Variants in ACSS3 observed in about 807,000 individuals in gnomAD.
ACSS3 encodes the protein acyl-CoA synthetase short-chain family member 3, mitochondrial.
ACSS3 carries 64 observed loss-of-function variants against 84.2 expected under a neutral mutation model. The ratio of observed to expected loss-of-function variants is 0.76; its 90% CI spans 0.62 to 0.94. ACSS3 has a LOEUF of 0.94. ACSS3 is among the 40% of genes least tolerant of loss of function. ACSS3 has a pLI of 0.00. For synonymous variants in ACSS3, 317 were observed against 310.1 expected (o/e 1.02, Z -0.23); for missense variants, 815 against 867.6 (o/e 0.94, Z 0.76).
At chr12:81,090,323 A>AT (rs1881591520) in intron 1 of ACSS3, among the ~76,000 whole-genome samples, 1 of 151,944 alleles carries the variant, frequency 6.6e-6, no homozygotes, top group South Asian at 2.1e-4. Context: ...GCTCATCTAC[A>AT]TTTTGTCACT....
At chr12:81,155,100 G>A (rs1382018785) in intron 7 of ACSS3, among the ~76,000 whole-genome samples, 1 of 152,132 alleles carries the variant, frequency 6.6e-6, no homozygotes, top group African/African-American at 2.4e-5. Flanking sequence ...TCTCGAAGAG[G>A]ATAAAAGCCA....
chr12:81,253,645 C>A lies in ACSS3; in HGVS notation c.1970C>A (p.Ala657Asp). 6.2e-7 allele frequency: 1 copy of A among 1,613,634 alleles called. No individual in the cohort carries two copies. Among genetic ancestry groups the A allele is most frequent in the Non-Finnish European group, 8.5e-7 (1 of 1,179,696 alleles). The change falls in exon 15 of 16, where the codon GCC (alanine) becomes GAC (aspartate). Residue 657 changes from alanine to aspartate, a missense_variant. By Grantham distance (126) the Ala-to-Asp change is moderately radical. Transcript: ENST00000548058. Reference protein sequence around the residue: ...SGKIPRSALSAIVNGKPYKIT... With the variant: ...SGKIPRSALSDIVNGKPYKIT... ...AAGATCCCCCGATCAGCTTTATCTGCCATTGTCAATGGCAAGCCATACAAG... is the reference window on the plus strand; with the variant it reads ...AAGATCCCCCGATCAGCTTTATCTGACATTGTCAATGGCAAGCCATACAAG...
chr12:81,226,671 ATCAC>A (rs1386887510), intron 11 of ACSS3, among the ~76,000 whole-genome samples: 1 of 151,878 alleles, frequency 6.6e-6, no homozygotes, highest in Non-Finnish European at 1.5e-5. Context: ...TTGCGTTGGC[ATCAC>A]TATTGATCTA....
At chr12:81,181,747 CAAAAAA>C (rs59878486) in intron 8 of ACSS3, among the ~76,000 whole-genome samples, 6 of 47,902 alleles carry the variant, frequency 1.3e-4, no homozygotes, top group Non-Finnish European at 1.4e-4. Context: ...ATCAATTAAG[CAAAAAA>C]AAAAAAAAAA....
At chr12:81,183,832 G>A (rs2031091546) in intron 8 of ACSS3, among the ~76,000 whole-genome samples, 1 of 151,462 alleles carries the variant, frequency 6.6e-6, no homozygotes, top group Non-Finnish European at 1.5e-5. Context: ...CAAATAGATA[G>A]CAATACAATA....
intron 8 of ACSS3, among the ~76,000 whole-genome samples, chr12:81,186,315 T>A (rs530874104): frequency 1.3e-5 from 2 of 151,730 alleles, no homozygotes; most frequent in Non-Finnish European, 3.0e-5. Flanking sequence ...GTTTTCTGTA[T>A]TTCATATCAA....
At chr12:81,213,957 C>CTCTCTCTTTCTTTCTT (rs1555181707) in intron 9 of ACSS3, among the ~76,000 whole-genome samples, 2 of 49,112 alleles carry the variant, frequency 4.1e-5, no homozygotes, top group Non-Finnish European at 8.3e-5. Flanking sequence ...CTCCCTCTCT[C>CTCTCTCTTTCTTTCTT]TCTTTCTTTC....
At chr12:81,171,929 A>G (rs1298637381) in intron 7 of ACSS3, among the ~76,000 whole-genome samples, 2 of 152,142 alleles carry the variant, frequency 1.3e-5, no homozygotes, top group East Asian at 3.9e-4. Flanking sequence ...TACTGCAAGC[A>G]ATTGTAACAC....
At position 81,169,016 on chromosome 12, in the gene ACSS3, C is replaced by T. The variant is rs934712938; in HGVS notation, c.1099-5772C>T. On this transcript the variant is annotated intron_variant, in intron 7 of 15. Transcript: ENST00000548058. ...ATAACTAAAACACAACAGTGCTCAG[C>T]CCAAATCAAGGCCAATTGAATCAGA... Among the ~76,000 whole-genome samples the T allele has an allele frequency of 1.3e-5, 2 of 152,290 alleles. 1 individual carries two copies. Among genetic ancestry groups the T allele is most frequent in the Non-Finnish European group, 2.9e-5 (2 of 68,022 alleles).
intron 9 of ACSS3, among the ~76,000 whole-genome samples, chr12:81,213,956 T>TTC (rs1449468822): frequency 0.014 from 506 of 36,114 alleles, 48 homozygotes; most frequent in Non-Finnish European, 0.031. Context: ...TCTCCCTCTC[T>TTC]CTCTTTCTTT....
chr12:81,080,298 A>T (rs1258738422), intron 1 of ACSS3, among the ~76,000 whole-genome samples: 1 of 151,692 alleles, frequency 6.6e-6, no homozygotes, highest in Non-Finnish European at 1.5e-5. Flanking sequence ...AGAGCTTAAG[A>T]CCAGGAGATT....
chr12:81,136,132 A>G (rs948346649), intron 3 of ACSS3, among the ~76,000 whole-genome samples: 16 of 152,182 alleles, frequency 1.1e-4, no homozygotes, highest in Non-Finnish European at 1.8e-4. Flanking sequence ...GGGTACAAAA[A>G]TAACAATTTA....
rs548091843 is a variant in ACSS3 at position 81,170,538 on chromosome 12, G to A, written c.1099-4250G>A. Among the ~76,000 whole-genome samples, 272 of 152,182 alleles carry A rather than the reference G, an allele frequency of 1.8e-3. 1 individual carries two copies. Among genetic ancestry groups the A allele is most frequent in the African/African-American group, 6.0e-3 (251 of 41,546 alleles). Reference sequence around the variant, plus strand: ...CCTTTCTGCCTTTATTATCTAGGAAGCAACTAATAATGTAGACTTAGTTTG... The same window carrying A: ...CCTTTCTGCCTTTATTATCTAGGAAACAACTAATAATGTAGACTTAGTTTG... On this transcript the variant is annotated intron_variant, in intron 7 of 15. Transcript: ENST00000548058.
chr12:81,227,423 A>ACACACACAC (rs56325395), intron 11 of ACSS3, among the ~76,000 whole-genome samples: 1 of 150,394 alleles, frequency 6.6e-6, no homozygotes, highest in Non-Finnish European at 1.5e-5. Context: ...ACACACACAC[A>ACACACACAC]AGTGTTGATT....
chr12:81,142,256 T>C (rs1053452169), intron 4 of ACSS3, among the ~76,000 whole-genome samples: 1 of 152,172 alleles, frequency 6.6e-6, no homozygotes, highest in Admixed American at 6.5e-5. Flanking sequence ...ATTATAAACT[T>C]CCTGATGTGT....
rs902014279 is a variant in ACSS3, at chr12:81,255,239, A to G, written c.*317A>G. 4 of 182,866 alleles carry G rather than the reference A, an allele frequency of 2.2e-5. No homozygotes were observed. Among genetic ancestry groups the G allele is most frequent in the African/African-American group, 7.0e-5 (3 of 42,634 alleles). The allele number at this position is 182,866 out of a possible 1,614,324, so 11.3% of individuals were successfully genotyped here. A position where few individuals can be genotyped will look rare whatever the true frequency, so the allele number is the denominator to read the frequency against. ...AAGAAGAACACTTTAATTGAAAGCA[A>G]CACTAATATAGAGCCACTTCCTGAA... On this transcript the variant is annotated 3_prime_UTR_variant, in exon 16 of 16. Coordinates refer to ENST00000548058, the MANE Select transcript of ACSS3 (RefSeq NM_024560.4).
intron 2 of ACSS3, among the ~76,000 whole-genome samples, chr12:81,129,841 G>A (rs141632720): frequency 1.2e-3 from 158 of 135,534 alleles, no homozygotes; most frequent in African/African-American, 4.4e-3. Context: ...TGTTCTCATT[G>A]TTCAATTCCC....
chr12:81,116,672 G>A (rs1472453212), intron 2 of ACSS3, among the ~76,000 whole-genome samples: 1 of 152,038 alleles, frequency 6.6e-6, no homozygotes, highest in African/African-American at 2.4e-5. Flanking sequence ...CTTGAGATAA[G>A]GGTAATATTT....
chr12:81,172,846 G>A (rs1274395262), intron 7 of ACSS3, among the ~76,000 whole-genome samples: 3 of 152,044 alleles, frequency 2.0e-5, no homozygotes, highest in Non-Finnish European at 4.4e-5. Context: ...CCTTTAATGA[G>A]TAATTATTTT....
Sources: allele counts gnomAD v4.1 joint callset (sites outside exome capture counted in the v4.1 genomes callset), GRCh38; gene constraint gnomAD v4.1.1; transcripts MANE v1.5; gene names NCBI Gene and HGNC (gene_info 2026-07-23, HGNC 2026-07-21).